The following VTA1 variants were observed in gnomAD, a reference collection of about 807,000 sequenced individuals.
The protein encoded by VTA1 is vacuolar protein sorting-associated protein VTA1 homolog.
VTA1 carries 24 observed loss-of-function variants against 36.9 expected under a neutral mutation model. The ratio of observed to expected loss-of-function variants is 0.65; its 90% CI spans 0.47 to 0.91. VTA1 has a LOEUF of 0.91. VTA1 is among the 40% of genes least tolerant of loss of function. The pLI is 0.00. For missense variants in VTA1, 393 were observed against 377.2 expected (o/e 1.04, Z -0.35); for synonymous variants, 142 against 130.2 (o/e 1.09, Z -0.62).
rs777370362 is a variant in VTA1 at position 142,169,667 on chromosome 6, C to T, written c.325C>T (p.Arg109Ter). The part of the protein sequence containing the change: ...LYADNEDRAG[R>*]FHKNMIKSFY... ...TGCAGACAATGAAGATCGTGCTGGACGATTTCACAAGTAAGTAAAGAGAAA... is the reference window on the plus strand; with the variant it reads ...TGCAGACAATGAAGATCGTGCTGGATGATTTCACAAGTAAGTAAAGAGAAA... The change falls in exon 3 of 8, where the codon CGA (arginine) becomes TGA (stop). Residue 109 changes from arginine (R) to a stop codon, truncating the protein, a stop_gained. Transcript: ENST00000367630. LOFTEE classifies it high-confidence loss of function. 25 of 1,584,712 alleles carry T rather than the reference C, an allele frequency of 1.6e-5. No homozygotes were observed. The highest frequency in any genetic ancestry group is 2.3e-5 in the East Asian group (1 of 43,362).
chr6:142,154,935 CGCAA>C (rs1165199020), intron 1 of VTA1, among the ~76,000 whole-genome samples: 1 of 151,880 alleles, frequency 6.6e-6, no homozygotes, highest in African/African-American at 2.4e-5. Flanking sequence ...GGATTAAAAA[CGCAA>C]GCAGATTTAC....
In VTA1 at chr6:142,180,969, G is replaced by C. The variant is rs1176180291; in HGVS notation, c.412-8457G>C. Among the ~76,000 whole-genome samples, 7 of 150,488 alleles carry C rather than the reference G, an allele frequency of 4.7e-5. No individual in the cohort carries two copies. The East Asian group carries it at 1.4e-3, about 29-fold the overall frequency. On this transcript the variant is annotated intron_variant, in intron 4 of 7. Transcript: ENST00000367630. ...CAAAATTTATTGGGACTGTGGATCA[G>C]ACTGTGTAACTATTAAATTTTCCGA... is the stretch of plus-strand genomic sequence containing the variant.
At chr6:142,174,785 T>C (rs1230712415) in intron 4 of VTA1, among the ~76,000 whole-genome samples, 1 of 152,034 alleles carries the variant, frequency 6.6e-6, no homozygotes, top group East Asian at 1.9e-4. Context: ...ATAAGTGAGT[T>C]TTTGCCCTGT....
At chr6:142,184,101 G>A (rs546042895) in intron 4 of VTA1, among the ~76,000 whole-genome samples, 8 of 152,268 alleles carry the variant, frequency 5.3e-5, no homozygotes, top group African/African-American at 1.4e-4. Flanking sequence ...ACTTTCCTTA[G>A]CAATTTCTTC....
chr6:142,155,198 A>G (rs1473372724), intron 1 of VTA1, among the ~76,000 whole-genome samples: 1 of 152,186 alleles, frequency 6.6e-6, no homozygotes, highest in African/African-American at 2.4e-5. Flanking sequence ...GACTCAGTAC[A>G]AATGAGTACG....
chr6:142,154,298 ATT>A (rs1031727237), intron 1 of VTA1, among the ~76,000 whole-genome samples: 7 of 151,978 alleles, frequency 4.6e-5, no homozygotes, highest in African/African-American at 9.7e-5. Flanking sequence ...ATCTCTGGAG[ATT>A]TATCCAAGTT....
chr6:142,187,215 G>T (rs1775357942), intron 4 of VTA1, among the ~76,000 whole-genome samples: 1 of 152,148 alleles, frequency 6.6e-6, no homozygotes, highest in Admixed American at 6.5e-5. Flanking sequence ...TTGAAGGTCA[G>T]CTAGAGGATT....
At chr6:142,172,905 G>A (rs895862551) in intron 4 of VTA1, among the ~76,000 whole-genome samples, 100 of 151,648 alleles carry the variant, frequency 6.6e-4, no homozygotes, top group African/African-American at 2.3e-3. Flanking sequence ...GCCTTGGGGT[G>A]CTTTGTATAA....
intron 4 of VTA1, among the ~76,000 whole-genome samples, chr6:142,188,642 T>A (rs1775392975): frequency 6.6e-6 from 1 of 152,248 alleles, no homozygotes; most frequent in Non-Finnish European, 1.5e-5. Flanking sequence ...TTGAAGATTC[T>A]GCATTTCTAA....
rs539468276 is a variant in VTA1, at chr6:142,204,621, T to C, written c.778+556T>C. Reference sequence around the variant, plus strand: ...TTGGTCTTTCTCATTCAGACTTTTGTTTTCTTCATATGTCAGATGATATTT... The same window carrying C: ...TTGGTCTTTCTCATTCAGACTTTTGCTTTCTTCATATGTCAGATGATATTT... On this transcript the variant is annotated intron_variant, in intron 7 of 7. Coordinates refer to ENST00000367630, the MANE Select transcript of VTA1 (RefSeq NM_016485.5). Among the ~76,000 whole-genome samples, 241 of 151,942 alleles carry C rather than the reference T, an allele frequency of 1.6e-3. 5 individuals carry two copies. Among genetic ancestry groups the C allele is most frequent in the Middle Eastern group, 0.014 (4 of 294 alleles).
intron 7 of VTA1, among the ~76,000 whole-genome samples, chr6:142,216,686 G>C (rs1404082427): frequency 6.6e-6 from 1 of 151,914 alleles, no homozygotes; most frequent in Admixed American, 6.6e-5. Flanking sequence ...TTTAATCCTT[G>C]GTAGATAAGT....
chr6:142,198,578 T>G lies in VTA1; in HGVS notation c.660T>G (p.Ala220=). The G allele has an allele frequency of 6.2e-7, 1 of 1,613,422 alleles. No homozygotes were observed. Residue 220 remains alanine, a synonymous_variant, in exon 6 of 8, where the codon GCT becomes GCG. Transcript: ENST00000367630. ...TACAGATTCCTCCGGGTGCACACGC[T>G]CCAGCTAATACACCAGCAGAAGTGC... ...TGIQIPPGAH[A]PANTPAEVPH...
intron 1 of VTA1, among the ~76,000 whole-genome samples, chr6:142,164,353 A>G (rs1013994394): frequency 2.0e-5 from 3 of 152,108 alleles, no homozygotes; most frequent in Admixed American, 1.3e-4. Context: ...GTAGTGCAGT[A>G]TATCTCGGTT....
rs1775989455 is a variant in VTA1 at position 142,215,442 on chromosome 6, A to AT, written c.779-3056_779-3055insT. On this transcript the variant is annotated intron_variant, in intron 7 of 7. Coordinates refer to ENST00000367630, the MANE Select transcript of VTA1 (RefSeq NM_016485.5). ...GGCGACAGAGTGAGACTCCATCTCA[A>AT]AAAAAAAAAAGTTTTTTGAGCATTA... is the stretch of plus-strand genomic sequence containing the variant. 1.1e-4 allele frequency among the ~76,000 whole-genome samples: 17 copies of AT among 151,324 alleles called. No homozygotes were observed. The South Asian group carries it at 3.6e-3, about 32-fold the overall frequency.
At chr6:142,207,004 G>C (rs1011326561) in intron 7 of VTA1, among the ~76,000 whole-genome samples, 1 of 152,006 alleles carries the variant, frequency 6.6e-6, no homozygotes, top group Non-Finnish European at 1.5e-5. Context: ...TTCCAAAATG[G>C]CAGTGTAGAA....
chr6:142,192,092 T>C (rs1775466062), intron 5 of VTA1, among the ~76,000 whole-genome samples: 1 of 152,092 alleles, frequency 6.6e-6, no homozygotes, highest in African/African-American at 2.4e-5. Context: ...ACCACATCAC[T>C]GTGACATTTG....
In VTA1 at chr6:142,147,343, A is replaced by G. The variant is rs749182205; in HGVS notation, c.56A>G (p.His19Arg). The G allele has an allele frequency of 1.1e-5, 18 of 1,614,220 alleles. No homozygotes were observed. The highest frequency in any genetic ancestry group is 1.6e-4 in the Middle Eastern group (1 of 6,062). ...CCCGCACAGTTCAAGAGCATACAGCATCATCTGAGGACGGCTCAGGAGCAT... is the reference window on the plus strand; with the variant it reads ...CCCGCACAGTTCAAGAGCATACAGCGTCATCTGAGGACGGCTCAGGAGCAT... ...PLPAQFKSIQHHLRTAQEHDK... is the reference protein window; with the variant it reads ...PLPAQFKSIQRHLRTAQEHDK... Residue 19 changes from histidine (H) to arginine (R), a missense_variant, in exon 1 of 8, where the codon CAT becomes CGT. Transcript: ENST00000367630.
intron 6 of VTA1, among the ~76,000 whole-genome samples, chr6:142,202,658 C>A (rs1775711163): frequency 1.3e-5 from 2 of 151,930 alleles, no homozygotes; most frequent in South Asian, 4.1e-4. Context: ...GATAAGTACA[C>A]AAATTTCTTA....
At chr6:142,166,384 C>T (rs543577980) in intron 2 of VTA1, 62 bp downstream of exon 2, 152 of 1,251,284 alleles carry the variant, frequency 1.2e-4, no homozygotes, top group East Asian at 2.1e-4. Flanking sequence ...TATTCATTTG[C>T]GTGTCTGTGT....
Sources: allele counts gnomAD v4.1 joint callset (sites outside exome capture counted in the v4.1 genomes callset), GRCh38; gene constraint gnomAD v4.1.1; transcripts MANE v1.5; gene names NCBI Gene and HGNC (gene_info 2026-07-23, HGNC 2026-07-21).